LRP1B: variants seen among roughly 807,000 people sequenced by gnomAD.
LRP1B encodes LDL receptor related protein 1B.
A neutral mutation model predicts 556.6 loss-of-function variants in LRP1B; 217 were observed. The observed-to-expected ratio is 0.39, with a 90% CI of 0.35 to 0.44. The LOEUF is 0.44. Among genes scored for constraint, LRP1B ranks in the 20% least tolerant of loss-of-function variants. The pLI is 1.00. For missense variants in LRP1B, 5,053 were observed against 5,620.8 expected, an observed-to-expected ratio of 0.90 and a Z score of 3.23; for synonymous variants, 2,047 against 1,865.8, an observed-to-expected ratio of 1.10 and a Z score of -2.50.
chr2:141,625,294 C>A (rs903658494), intron 2 of LRP1B, among the ~76,000 whole-genome samples: 6 of 151,986 alleles, frequency 3.9e-5, no homozygotes, highest in African/African-American at 1.5e-4. Context: ...TGGAATGGTA[C>A]CTTGAGTGAG....
At chr2:141,187,946 G>T (rs1029254398) in intron 7 of LRP1B, among the ~76,000 whole-genome samples, 2 of 151,884 alleles carry the variant, frequency 1.3e-5, no homozygotes, top group African/African-American at 4.8e-5. Flanking sequence ...TCTGAACAAA[G>T]ATATTTTTAA....
intron 3 of LRP1B, among the ~76,000 whole-genome samples, chr2:141,341,280 C>A (rs1487595629): frequency 6.6e-6 from 1 of 152,144 alleles, no homozygotes; most frequent in African/African-American, 2.4e-5. Context: ...ATGTCATACC[C>A]ATGTATGGAA....
intron 3 of LRP1B, among the ~76,000 whole-genome samples, chr2:141,311,773 T>C (rs1473504366): frequency 6.6e-6 from 1 of 152,172 alleles, no homozygotes; most frequent in Non-Finnish European, 1.5e-5. Flanking sequence ...CTTCCCAGAC[T>C]CCAGAATTGT....
At chr2:141,815,675 T>G (rs574501410) in intron 1 of LRP1B, among the ~76,000 whole-genome samples, 120 of 152,082 alleles carry the variant, frequency 7.9e-4, no homozygotes, top group African/African-American at 2.5e-3. Flanking sequence ...AAACGGAACA[T>G]GGGAGGGGAC....
intron 2 of LRP1B, among the ~76,000 whole-genome samples, chr2:141,496,547 C>T (rs1683514563): frequency 6.6e-6 from 1 of 151,920 alleles, no homozygotes; most frequent in Admixed American, 6.6e-5. Context: ...TTCATTCAAC[C>T]ACGAATTAAA....
At position 140,733,912 on chromosome 2, in the gene LRP1B, T is replaced by C. The variant is rs995633450; in HGVS notation, c.5759-17096A>G. On this transcript the variant is annotated intron_variant, in intron 35 of 90. Coordinates refer to ENST00000389484, the MANE Select transcript of LRP1B (RefSeq NM_018557.3). ...AATTATCATTCCTAATCAAATCACC[T>C]ATGGTAAATTTTAAGTAGATTGTCT... Among the ~76,000 whole-genome samples the C allele has an allele frequency of 2.0e-5, 3 of 152,216 alleles. No individual in the cohort carries two copies. The East Asian group carries it at 5.8e-4, about 29-fold the overall frequency.
At chr2:141,574,346 C>A (rs193032096) in intron 2 of LRP1B, among the ~76,000 whole-genome samples, 68 of 152,292 alleles carry the variant, frequency 4.5e-4, no homozygotes, top group African/African-American at 1.4e-3. Context: ...ACAAAAACCA[C>A]ATGATTATCT....
At chr2:141,048,345 T>C (rs1698938960) in intron 11 of LRP1B, among the ~76,000 whole-genome samples, 1 of 152,162 alleles carries the variant, frequency 6.6e-6, no homozygotes, top group Admixed American at 6.6e-5. Flanking sequence ...CTTTTGTTAC[T>C]AGATTACTTG....
intron 27 of LRP1B, among the ~76,000 whole-genome samples, chr2:140,860,790 G>A (rs1050049480): frequency 6.6e-6 from 1 of 152,080 alleles, no homozygotes; most frequent in Non-Finnish European, 1.5e-5. Flanking sequence ...CTGGAGTGGT[G>A]ATGAAGAAAA....
At chr2:140,722,444 C>A (rs186408060) in intron 35 of LRP1B, among the ~76,000 whole-genome samples, 1 of 152,260 alleles carries the variant, frequency 6.6e-6, no homozygotes, top group African/African-American at 2.4e-5. Flanking sequence ...AATTAAGAAT[C>A]TAGAATCTAT....
At chr2:141,499,417 T>G (rs1683633101) in intron 2 of LRP1B, among the ~76,000 whole-genome samples, 1 of 152,106 alleles carries the variant, frequency 6.6e-6, no homozygotes, top group African/African-American at 2.4e-5. Flanking sequence ...TTGTTCACAT[T>G]GGCCCTGTCT....
intron 35 of LRP1B, among the ~76,000 whole-genome samples, chr2:140,766,868 T>TATA (rs1689140093): frequency 7.0e-6 from 1 of 142,754 alleles, no homozygotes; most frequent in African/African-American, 2.6e-5. Context: ...ATATATATAA[T>TATA]ATATATAACA....
intron 1 of LRP1B, among the ~76,000 whole-genome samples, chr2:142,125,397 A>T (rs1574712486): frequency 6.6e-6 from 1 of 151,898 alleles, no homozygotes; most frequent in African/African-American, 2.4e-5. Context: ...CAGAACAGAG[A>T]TTCAATACTA....
chr2:141,933,516 C>T (rs1700558457), intron 1 of LRP1B, among the ~76,000 whole-genome samples: 1 of 152,098 alleles, frequency 6.6e-6, no homozygotes. Flanking sequence ...CTCCCCATGT[C>T]ATGACAACAC....
At chr2:140,820,570 T>G (rs985714704) in intron 31 of LRP1B, among the ~76,000 whole-genome samples, 2 of 151,426 alleles carry the variant, frequency 1.3e-5, no homozygotes, top group South Asian at 4.2e-4. Context: ...CACACAGAAA[T>G]AGAGGAAAAA....
chr2:140,707,159 A>G lies in LRP1B; in HGVS notation c.6024-4606T>C, dbSNP rs568585087. 1.1e-4 allele frequency among the ~76,000 whole-genome samples: 16 copies of G among 152,238 alleles called. No homozygotes were observed. The South Asian group carries it at 3.3e-3, about 32-fold the overall frequency. On this transcript the variant is annotated intron_variant, in intron 37 of 90. Transcript: ENST00000389484. Reference sequence around the variant, plus strand: ...TCGAATTTGAGTTGCAATTTTTACAATAAATGTGCCATTTCTTCCTACTTT... The same window carrying G: ...TCGAATTTGAGTTGCAATTTTTACAGTAAATGTGCCATTTCTTCCTACTTT...
intron 1 of LRP1B, among the ~76,000 whole-genome samples, chr2:141,985,344 CTT>C (rs796540247): frequency 2.0e-5 from 3 of 152,222 alleles, no homozygotes; most frequent in African/African-American, 7.2e-5. Context: ...AGCTTGAAAA[CTT>C]TGCAATTTTG....
chr2:141,414,231 C>CT (rs1690988592), intron 3 of LRP1B, among the ~76,000 whole-genome samples: 1 of 103,862 alleles, frequency 9.6e-6, no homozygotes, highest in Non-Finnish European at 1.8e-5. Flanking sequence ...GAGTGAGACT[C>CT]TATCTCAAAA....
intron 23 of LRP1B, among the ~76,000 whole-genome samples, chr2:140,902,538 A>G (rs1694134294): frequency 6.6e-6 from 1 of 152,192 alleles, no homozygotes; most frequent in Admixed American, 6.5e-5. Flanking sequence ...AGATGAACAC[A>G]GCCAGAGCAA....
Sources: gnomAD v4.1 joint callset for allele counts (sites outside exome capture counted in the v4.1 genomes callset) on GRCh38, gnomAD v4.1.1 for gene constraint, MANE v1.5 for transcripts, NCBI Gene and HGNC (gene_info 2026-07-23, HGNC 2026-07-21) for gene names.